The following FGF12 variants were observed in gnomAD, a reference collection of about 807,000 sequenced individuals.
FGF12 encodes fibroblast growth factor 12.
A neutral mutation model predicts 23.6 loss-of-function variants in FGF12; 14 were observed. The observed-to-expected ratio is 0.59, with a 90% CI of 0.39 to 0.93. FGF12 has a LOEUF of 0.93. Ranked by LOEUF, FGF12 falls within the 40% of genes least tolerant of loss-of-function variation. The pLI is 0.00. For synonymous variants in FGF12, 62 were observed against 77.3 expected (o/e 0.80, Z 1.04); for missense variants, 175 against 217.8 (o/e 0.80, Z 1.24).
At chr3:192,355,769 G>A (rs1718446535) in intron 3 of FGF12, among the ~76,000 whole-genome samples, 1 of 152,184 alleles carries the variant, frequency 6.6e-6, no homozygotes, top group Admixed American at 6.5e-5. Flanking sequence ...AACAGAGCAA[G>A]GTTAAAGCTG....
intron 2 of FGF12, among the ~76,000 whole-genome samples, chr3:192,635,803 TC>T (rs1715558613): frequency 1.3e-5 from 2 of 152,218 alleles, no homozygotes; most frequent in African/African-American, 2.4e-5. Context: ...CTTCTGAAGT[TC>T]TATGGAGAAG....
intron 4 of FGF12, among the ~76,000 whole-genome samples, chr3:192,220,665 G>C (rs1021348003): frequency 6.6e-6 from 1 of 152,140 alleles, no homozygotes; most frequent in African/African-American, 2.4e-5. Flanking sequence ...CATCCATCTA[G>C]TTGGTTAACC....
chr3:192,347,497 T>G (rs1199130074), intron 3 of FGF12, among the ~76,000 whole-genome samples: 1 of 152,176 alleles, frequency 6.6e-6, no homozygotes, highest in Non-Finnish European at 1.5e-5. Flanking sequence ...CCTGGATCTA[T>G]GAGGAGCGGC....
At chr3:192,332,066 C>A (rs75132648) in intron 4 of FGF12, among the ~76,000 whole-genome samples, 3 of 152,156 alleles carry the variant, frequency 2.0e-5, no homozygotes, top group East Asian at 3.9e-4. Context: ...AACAAAAGTT[C>A]TATGCATAAA....
intron 2 of FGF12, among the ~76,000 whole-genome samples, chr3:192,636,983 G>A (rs538799149): frequency 6.6e-6 from 1 of 152,296 alleles, no homozygotes; most frequent in African/African-American, 2.4e-5. Context: ...CTATGGGCCT[G>A]CACAGAATTA....
Position 192,408,065 on chromosome 3 carries a change from G to C in FGF12, c.14-47527C>G. 2 of 1,612,882 alleles carry C rather than the reference G, an allele frequency of 1.2e-6. No individual in the cohort carries two copies. Among genetic ancestry groups the C allele is most frequent in the Non-Finnish European group, 1.7e-6 (2 of 1,179,898 alleles). ...CCGGCCTCTTGCGGCCGCTGCAGAA[G>C]CGCACTTTGCTGAACACCCCGAGGA... On this transcript the variant is annotated intron_variant, in intron 2 of 5. Transcript: ENST00000445105. The surrounding 1 kb of genome is among the most constrained non-coding windows in gnomAD (Gnocchi z 7.3).
intron 4 of FGF12, among the ~76,000 whole-genome samples, chr3:192,176,669 G>C (rs1273542777): frequency 2.0e-5 from 3 of 152,152 alleles, no homozygotes; most frequent in African/African-American, 4.8e-5. Context: ...AATGTTTGAA[G>C]ATTAAGTAAA....
chr3:192,289,539 G>A lies in FGF12; in HGVS notation c.228+45822C>T, dbSNP rs139558388. 4.1e-4 allele frequency among the ~76,000 whole-genome samples: 63 copies of A among 152,284 alleles called. No individual in the cohort carries two copies. The East Asian group carries it at 6.0e-3, about 14-fold the overall frequency. On this transcript the variant is annotated intron_variant, in intron 4 of 5. Coordinates refer to ENST00000445105, the MANE Select transcript of FGF12 (RefSeq NM_004113.6). The stretch of plus-strand genomic sequence containing the variant: ...ATGACCATTCTAAGTCGATATGTGT[G>A]AGGAAGAGACTGGAATCTTGCTGGG...
At chr3:192,283,568 T>C (rs938509985) in intron 4 of FGF12, among the ~76,000 whole-genome samples, 2 of 152,106 alleles carry the variant, frequency 1.3e-5, no homozygotes, top group Admixed American at 1.3e-4. Flanking sequence ...GTACACATGT[T>C]ATCACTCCTG....
At chr3:192,707,744 C>CAAAAAAAAAAAAAAAA (rs780175053) in intron 2 of FGF12, among the ~76,000 whole-genome samples, 1 of 84,842 alleles carries the variant, frequency 1.2e-5, no homozygotes, top group East Asian at 4.3e-4. Context: ...GACTCCTTCT[C>CAAAAAAAAAAAAAAAA]AAAAAAAAAA....
intron 5 of FGF12, among the ~76,000 whole-genome samples, chr3:192,147,366 A>C (rs1248431851): frequency 6.6e-6 from 1 of 152,174 alleles, no homozygotes; most frequent in African/African-American, 2.4e-5. Context: ...AGAAAGAATA[A>C]AGTACCTCCC....
At chr3:192,391,523 G>C (rs986346918) in intron 2 of FGF12, among the ~76,000 whole-genome samples, 3 of 152,096 alleles carry the variant, frequency 2.0e-5, no homozygotes, top group East Asian at 3.8e-4. Flanking sequence ...TCTCGTAAAG[G>C]CCTCACAGAA....
chr3:192,248,488 C>T (rs980907729), intron 4 of FGF12, among the ~76,000 whole-genome samples: 1 of 152,166 alleles, frequency 6.6e-6, no homozygotes, highest in South Asian at 2.1e-4. Context: ...GGTATTCAGA[C>T]AGTTAAGATT....
At chr3:192,637,246 T>C (rs1030134007) in intron 2 of FGF12, among the ~76,000 whole-genome samples, 1 of 152,186 alleles carries the variant, frequency 6.6e-6, no homozygotes, top group East Asian at 1.9e-4. Flanking sequence ...AGAATAGCCA[T>C]GTTCTGCACC....
chr3:192,689,804 A>C (rs1223963202), intron 2 of FGF12, among the ~76,000 whole-genome samples: 1 of 152,064 alleles, frequency 6.6e-6, no homozygotes, highest in Admixed American at 6.5e-5. Flanking sequence ...ATGCAGGTAC[A>C]TGAAGCTCAA....
intron 2 of FGF12, among the ~76,000 whole-genome samples, chr3:192,454,222 T>C (rs1722611454): frequency 6.6e-6 from 1 of 152,086 alleles, no homozygotes; most frequent in Non-Finnish European, 1.5e-5. Flanking sequence ...TGTATTTTAG[T>C]AGAGATGGGG....
At chr3:192,563,948 C>T (rs1319704277) in intron 2 of FGF12, among the ~76,000 whole-genome samples, 2 of 152,142 alleles carry the variant, frequency 1.3e-5, no homozygotes, top group East Asian at 1.9e-4. Flanking sequence ...TGGATGATTA[C>T]CATTTGGTAT....
chr3:192,670,095 G>A (rs549105283), intron 2 of FGF12, among the ~76,000 whole-genome samples: 2 of 152,086 alleles, frequency 1.3e-5, no homozygotes, highest in Admixed American at 1.3e-4. Context: ...TCCCATACGA[G>A]GCTGGATTTT....
chr3:192,295,629 C>A (rs968072709), intron 4 of FGF12, among the ~76,000 whole-genome samples: 7 of 152,238 alleles, frequency 4.6e-5, no homozygotes, highest in African/African-American at 1.7e-4. Context: ...AATGTTTCAA[C>A]AGGAAGCAAT....
Sources: gnomAD v4.1 joint callset for allele counts (sites outside exome capture counted in the v4.1 genomes callset) on GRCh38, gnomAD v4.1.1 for gene constraint, Gnocchi (gnomAD v3.1) non-coding constraint, MANE v1.5 for transcripts, NCBI Gene and HGNC (gene_info 2026-07-23, HGNC 2026-07-21) for gene names.